Variants in EMILIN2 observed in about 807,000 individuals in gnomAD.
EMILIN2 encodes the protein EMILIN-2.
A neutral mutation model predicts 87.1 loss-of-function variants in EMILIN2; 71 were observed. That is an observed-to-expected ratio of 0.82 (90% CI 0.67 to 0.99). The LOEUF (loss-of-function observed/expected upper bound fraction) is 0.99, where lower values mean the gene tolerates loss of function less well. Ranked by LOEUF, EMILIN2 falls within the 50% of genes least tolerant of loss-of-function variation. The pLI, the probability that EMILIN2 is intolerant of heterozygous loss-of-function variation, is 0.00. For missense variants in EMILIN2, 1,407 were observed against 1,371.8 expected, an observed-to-expected ratio of 1.03 and a Z score of -0.40; for synonymous variants, 581 against 563.4, an observed-to-expected ratio of 1.03 and a Z score of -0.44.
In EMILIN2 at chr18:2,891,672, G is replaced by A; in HGVS notation, c.1545G>A (p.Glu515=). 6.2e-7 allele frequency: 1 copy of A among 1,614,132 alleles called. No homozygotes were observed. The highest frequency in any genetic ancestry group is 8.5e-7 in the Non-Finnish European group (1 of 1,180,034). Residue 515 remains glutamate, a synonymous_variant, in exon 4 of 8, where the codon GAG becomes GAA. Coordinates refer to ENST00000254528, the MANE Select transcript of EMILIN2 (RefSeq NM_032048.3). This position sits in a 1 kb window ranked among gnomAD's most constrained non-coding sequence, Gnocchi z 4.6. The stretch of plus-strand genomic sequence containing the variant: ...AGATGACCAATAACACTGGTGCAGA[G>A]CTCAGTCCCCCAGGGGCAGCAGCCC... ...LLQMTNNTGA[E]LSPPGAAALP... is the part of the protein sequence containing the mutation.
chr18:2,899,072 T>C (rs892859804), intron 4 of EMILIN2, among the ~76,000 whole-genome samples: 3 of 77,454 alleles, frequency 3.9e-5, no homozygotes, highest in Non-Finnish European at 8.7e-5. Context: ...TAAATGCCTC[T>C]GGGATCTTTA....
Position 2,885,002 on chromosome 18 carries a change from A to C in EMILIN2, c.296A>C (p.Tyr99Ser). Residue 99 changes from tyrosine (Y) to serine (S), a missense_variant, in exon 3 of 8, where the codon TAT becomes TCT. Transcript: ENST00000254528. ...VNFRPRYVTRYKTVTQLEWRC... is the reference protein window; with the variant it reads ...VNFRPRYVTRSKTVTQLEWRC... ...TTCAGACCTAGATATGTCACTAGGT[A>C]TAAGACAGTGACACAGTTGGAATGG... 2 of 1,613,446 alleles carry C rather than the reference A, an allele frequency of 1.2e-6. No individual in the cohort carries two copies. The highest frequency in any genetic ancestry group is 1.7e-6 in the Non-Finnish European group (2 of 1,179,702).
Position 2,890,832 on chromosome 18 carries a change from T to G in EMILIN2, c.705T>G (p.Pro235=). ...GGCTCAGCAGCCAGCACCCCAAGCCTGACACCACTGTTAGTGGAGACACAG... is the reference window on the plus strand; with the variant it reads ...GGCTCAGCAGCCAGCACCCCAAGCCGGACACCACTGTTAGTGGAGACACAG... ...APGLSSQHPK[P]DTTVSGDTET... Residue 235 remains proline, a synonymous_variant, in exon 4 of 8, where the codon CCT becomes CCG. Transcript: ENST00000254528. The surrounding 1 kb of genome is among the most constrained non-coding windows in gnomAD (Gnocchi z 4.7). The G allele has an allele frequency of 1.2e-6, 2 of 1,613,880 alleles. No individual in the cohort carries two copies. Among genetic ancestry groups the G allele is most frequent in the Non-Finnish European group, 1.7e-6 (2 of 1,179,990 alleles).
At chr18:2,901,567 C>T (rs1466551941) in intron 4 of EMILIN2, among the ~76,000 whole-genome samples, 3 of 152,192 alleles carry the variant, frequency 2.0e-5, no homozygotes, top group East Asian at 1.9e-4. Flanking sequence ...TGACCCTACC[C>T]GACCCGTGCG....
intron 2 of EMILIN2, among the ~76,000 whole-genome samples, chr18:2,873,636 G>A (rs1179295105): frequency 2.0e-5 from 3 of 151,998 alleles, no homozygotes; most frequent in Admixed American, 6.6e-5. Flanking sequence ...GAACCCGGGA[G>A]GCGGAGCTTG....
intron 2 of EMILIN2, among the ~76,000 whole-genome samples, chr18:2,879,438 C>T (rs1354121863): frequency 6.6e-6 from 1 of 152,128 alleles, no homozygotes; most frequent in Non-Finnish European, 1.5e-5. Flanking sequence ...GCGGGCGGAT[C>T]ACCTGAGGTT....
chr18:2,882,593 T>G (rs975227966), intron 2 of EMILIN2, among the ~76,000 whole-genome samples: 3 of 151,640 alleles, frequency 2.0e-5, no homozygotes, highest in Non-Finnish European at 4.4e-5. Context: ...AAAAATTTTT[T>G]TAAATTGGCT....
At chr18:2,868,455 A>AGGT (rs2076701249) in intron 2 of EMILIN2, among the ~76,000 whole-genome samples, 1 of 152,266 alleles carries the variant, frequency 6.6e-6, no homozygotes, top group Middle Eastern at 3.4e-3. Context: ...GGCGGCTGGG[A>AGGT]GGTGGTTGCA....
chr18:2,906,935 C>T lies in EMILIN2; in HGVS notation c.2512C>T (p.Pro838Ser), dbSNP rs1328396468. 2.1e-6 allele frequency: 3 copies of T among 1,397,686 alleles called. No individual in the cohort carries two copies. The African/African-American group carries it at 4.5e-5, about 21-fold the overall frequency. The allele number at this position is 1,397,686 out of a possible 1,614,324, so 86.6% of individuals were successfully genotyped here. The part of the protein sequence containing the change: ...QRPPEERPPQ[P>S]PGSTGVIAET... The stretch of plus-strand genomic sequence containing the variant: ...GCCCCCCGAGGAGAGGCCGCCCCAG[C>T]CGCCAGGCTCCACCGGGGTCATCGC... The change falls in exon 5 of 8, where the codon CCG becomes TCG. Residue 838 changes from proline (P) to serine (S), a missense_variant. Physicochemically the swap from Pro to Ser is moderately conservative, Grantham distance 74 (BLOSUM62 -1). Transcript: ENST00000254528.
chr18:2,873,422 A>G (rs1256956112), intron 2 of EMILIN2, among the ~76,000 whole-genome samples: 1 of 147,962 alleles, frequency 6.8e-6, no homozygotes, highest in Non-Finnish European at 1.5e-5. Context: ...CAAAATAAAT[A>G]AATAGCTGGG....
intron 2 of EMILIN2, among the ~76,000 whole-genome samples, chr18:2,868,524 G>A (rs1018021053): frequency 2.0e-4 from 30 of 152,384 alleles, no homozygotes; most frequent in Middle Eastern, 3.4e-3. Flanking sequence ...CTGAGTGAAC[G>A]AGGCTCCCTC....
chr18:2,905,817 T>TTTCGCC (rs2076908867), intron 4 of EMILIN2, among the ~76,000 whole-genome samples: 2 of 147,934 alleles, frequency 1.4e-5, no homozygotes, highest in Non-Finnish European at 3.0e-5. Flanking sequence ...AGAGATGAGG[T>TTTCGCC]TTCGCCATCT....
In EMILIN2 at chr18:2,847,919, C is replaced by T. The variant is rs140338789; in HGVS notation, c.245C>T (p.Pro82Leu). 5 of 1,605,994 alleles carry T rather than the reference C, an allele frequency of 3.1e-6. No individual in the cohort carries two copies. The highest frequency in any genetic ancestry group is 3.4e-6 in the Non-Finnish European group (4 of 1,176,416). ...YNCAWNQMPCPSALVYRVNFR... is the reference protein window; with the variant it reads ...YNCAWNQMPCLSALVYRVNFR... ...TGTGCCTGGAACCAGATGCCCTGTC[C>T]GTCGGCGCTGGTGTAAGTCCTGGAG... The change falls in exon 2 of 8, where the codon CCG becomes CTG. Residue 82 changes from proline (P) to leucine (L), a missense_variant. Physicochemically the swap from Pro to Leu is moderately conservative, Grantham distance 98. Coordinates refer to ENST00000254528, the MANE Select transcript of EMILIN2 (RefSeq NM_032048.3). This position sits in a 1 kb window ranked among gnomAD's most constrained non-coding sequence, Gnocchi z 4.5.
In EMILIN2 at chr18:2,847,768, G is replaced by C; in HGVS notation, c.135-41G>C. 6.2e-7 allele frequency: 1 copy of C among 1,605,804 alleles called. No homozygotes were observed. Among genetic ancestry groups the C allele is most frequent in the Non-Finnish European group, 8.5e-7 (1 of 1,178,100 alleles). ...CTCCCCTGGCCTCATTGTTCTCCGG[G>C]TTTACCCCGTGCCCCTCTCCCTCTC... On this transcript the variant is annotated intron_variant, in intron 1 of 7. Coordinates refer to ENST00000254528, the MANE Select transcript of EMILIN2 (RefSeq NM_032048.3). The surrounding 1 kb of genome is among the most constrained non-coding windows in gnomAD (Gnocchi z 4.5).
chr18:2,908,304 A>G (rs1192419276), intron 5 of EMILIN2, among the ~76,000 whole-genome samples: 1 of 151,778 alleles, frequency 6.6e-6, no homozygotes, highest in Non-Finnish European at 1.5e-5. Flanking sequence ...CCAGCCACCC[A>G]CCCACACATG....
intron 7 of EMILIN2, among the ~76,000 whole-genome samples, chr18:2,910,566 G>C (rs1326893431): frequency 1.3e-5 from 2 of 152,128 alleles, no homozygotes; most frequent in East Asian, 3.9e-4. Context: ...CCACAGCCCG[G>C]GGTCTTTCCT....
At chr18:2,892,976 T>C (rs9959098) in intron 4 of EMILIN2, among the ~76,000 whole-genome samples, 17,221 of 151,552 alleles carry the variant, frequency 0.11, 1,129 homozygotes, top group African/African-American at 0.15. Context: ...TGCTTGAACC[T>C]GGGAGGCAGA....
In EMILIN2 at chr18:2,906,913, C is replaced by G. The variant is rs1045978467; in HGVS notation, c.2490C>G (p.Pro830=). The G allele has an allele frequency of 7.2e-7, 1 of 1,393,328 alleles. No individual in the cohort carries two copies. Among genetic ancestry groups the G allele is most frequent in the Non-Finnish European group, 9.3e-7 (1 of 1,071,034 alleles). The allele number at this position is 1,393,328 out of a possible 1,614,324, so 86.3% of individuals were successfully genotyped here. A position where few individuals can be genotyped will look rare whatever the true frequency, so the allele number is the denominator to read the frequency against. ...GACGGCCCGTCCTGCCCCAGCGGCC[C>G]CCCGAGGAGAGGCCGCCCCAGCCGC... ...PGRRPVLPQR[P]PEERPPQPPG... The change falls in exon 5 of 8, where the codon CCC becomes CCG. Residue 830 remains proline (P), a synonymous_variant. Coordinates refer to ENST00000254528, the MANE Select transcript of EMILIN2 (RefSeq NM_032048.3).
At chr18:2,858,992 C>T (rs1598485845) in intron 2 of EMILIN2, among the ~76,000 whole-genome samples, 1 of 152,286 alleles carries the variant, frequency 6.6e-6, no homozygotes, top group Non-Finnish European at 1.5e-5. Context: ...GTTGGTTCCA[C>T]ATTTTTGCAA....
Sources: gnomAD v4.1 joint callset for allele counts (sites outside exome capture counted in the v4.1 genomes callset) on GRCh38, gnomAD v4.1.1 for gene constraint, Gnocchi (gnomAD v3.1) non-coding constraint, MANE v1.5 for transcripts, NCBI Gene and HGNC (gene_info 2026-07-23, HGNC 2026-07-21) for gene names.